The following NEGR1 variants were observed in gnomAD, a reference collection of about 807,000 sequenced individuals.
The protein encoded by NEGR1 is neuronal growth regulator 1.
Under a neutral mutation model 40.9 loss-of-function variants are expected in NEGR1, and 10 were observed. The observed-to-expected ratio is 0.24, with a 90% CI of 0.15 to 0.42. The LOEUF (loss-of-function observed/expected upper bound fraction) is 0.42. NEGR1 is among the 10% of genes least tolerant of loss of function. The probability of loss-of-function intolerance (pLI) is 1.00; values close to 1 mark genes in which losing one functional copy is unlikely to be tolerated. For missense variants in NEGR1, 352 were observed against 438.9 expected (o/e 0.80, Z 1.77); for synonymous variants, 185 against 166.8 (o/e 1.11, Z -0.84).
chr1:72,258,820 CTTTT>C (rs572990598), intron 1 of NEGR1, among the ~76,000 whole-genome samples: 3 of 151,922 alleles, frequency 2.0e-5, no homozygotes, highest in African/African-American at 7.2e-5. Flanking sequence ...TCACCAATTG[CTTTT>C]TTATTTTCAT....
intron 1 of NEGR1, among the ~76,000 whole-genome samples, chr1:71,963,139 T>A (rs1051361239): frequency 3.3e-5 from 5 of 152,080 alleles, no homozygotes; most frequent in Admixed American, 2.6e-4. Context: ...CTATACATAA[T>A]ATACTAAAAA....
intron 1 of NEGR1, among the ~76,000 whole-genome samples, chr1:71,945,034 A>C (rs1646005014): frequency 6.6e-6 from 1 of 152,184 alleles, no homozygotes. Flanking sequence ...TATATTTTTG[A>C]AAGATGTTAA....
At chr1:72,117,607 C>A (rs1451448549) in intron 1 of NEGR1, among the ~76,000 whole-genome samples, 1 of 151,740 alleles carries the variant, frequency 6.6e-6, no homozygotes, top group Non-Finnish European at 1.5e-5. Context: ...TTGGGACAAC[C>A]TGTCCACTTA....
intron 6 of NEGR1, among the ~76,000 whole-genome samples, chr1:71,411,121 G>A (rs1156472046): frequency 1.3e-5 from 2 of 152,064 alleles, no homozygotes; most frequent in African/African-American, 2.4e-5. Flanking sequence ...TTCAGTAAAC[G>A]TCAGTGCTTC....
intron 1 of NEGR1, among the ~76,000 whole-genome samples, chr1:72,057,393 C>T (rs988631693): frequency 6.6e-6 from 1 of 151,486 alleles, no homozygotes; most frequent in African/African-American, 2.4e-5. Context: ...GATTCTCATA[C>T]ATTTAAATGC....
Position 71,404,027 on chromosome 1 carries a change from G to T in NEGR1, c.*3419C>A, listed in dbSNP as rs1646261593. 2 of 329,692 alleles carry T rather than the reference G, an allele frequency of 6.1e-6. No homozygotes were observed. Among genetic ancestry groups the T allele is most frequent in the African/African-American group, 4.2e-5 (2 of 47,244 alleles). The allele number at this position is 329,692 out of a possible 1,614,324, so 20.4% of individuals were successfully genotyped here. On this transcript the variant is annotated 3_prime_UTR_variant, in exon 7 of 7. Transcript: ENST00000357731. ...GAAAAGATTAAATAGGTAACTTTTG[G>T]CTGTGTCACAAAGCTAAGCACAATG...
intron 2 of NEGR1, among the ~76,000 whole-genome samples, chr1:71,849,588 TC>T (rs1659535772): frequency 1.3e-5 from 2 of 152,168 alleles, no homozygotes; most frequent in Non-Finnish European, 2.9e-5. Context: ...TAACTCTAAT[TC>T]TAAAACAATT....
chr1:72,213,743 A>C (rs1196472866), intron 1 of NEGR1, among the ~76,000 whole-genome samples: 1 of 152,066 alleles, frequency 6.6e-6, no homozygotes, highest in Non-Finnish European at 1.5e-5. Context: ...CAACCAAAAA[A>C]AGCCCAAGAC....
chr1:71,450,235 C>T (rs1018935150), intron 6 of NEGR1, among the ~76,000 whole-genome samples: 45 of 151,858 alleles, frequency 3.0e-4, no homozygotes, highest in Admixed American at 2.4e-3. Context: ...TTGATCCACC[C>T]GCCACAGCCT....
intron 6 of NEGR1, among the ~76,000 whole-genome samples, chr1:71,524,315 AGT>A (rs60790381): frequency 0.44 from 61,157 of 140,308 alleles, 13,099 homozygotes; most frequent in Non-Finnish European, 0.48. Flanking sequence ...TTTAAATAGG[AGT>A]GTGTGTGTGT....
At chr1:71,678,237 G>A (rs1320070237) in intron 4 of NEGR1, among the ~76,000 whole-genome samples, 2 of 152,110 alleles carry the variant, frequency 1.3e-5, no homozygotes, top group African/African-American at 2.4e-5. Flanking sequence ...TCAAAAGGGG[G>A]TAAAGGCAAT....
At chr1:71,594,076 C>T (rs1016500908) in intron 5 of NEGR1, among the ~76,000 whole-genome samples, 1 of 152,136 alleles carries the variant, frequency 6.6e-6, no homozygotes, top group Admixed American at 6.5e-5. Context: ...GTACAAAGGT[C>T]AATGGTATTC....
At chr1:71,629,261 TA>T (rs57706925) in intron 4 of NEGR1, among the ~76,000 whole-genome samples, 2 of 151,040 alleles carry the variant, frequency 1.3e-5, no homozygotes, top group African/African-American at 4.9e-5. Flanking sequence ...ATGGGGTTGT[TA>T]AAAAAAAAGA....
intron 1 of NEGR1, among the ~76,000 whole-genome samples, chr1:71,992,988 A>G (rs757420408): frequency 3.9e-5 from 6 of 152,180 alleles, no homozygotes; most frequent in Non-Finnish European, 8.8e-5. Flanking sequence ...GTAAATGAGT[A>G]TATGTACTCA....
At chr1:71,691,805 A>G (rs1653291753) in intron 4 of NEGR1, among the ~76,000 whole-genome samples, 2 of 151,000 alleles carry the variant, frequency 1.3e-5, no homozygotes, top group African/African-American at 4.9e-5. Context: ...AACAAACAAC[A>G]TTCTGTCCCA....
intron 3 of NEGR1, among the ~76,000 whole-genome samples, chr1:71,734,258 G>A (rs1654978756): frequency 6.6e-6 from 1 of 152,170 alleles, no homozygotes; most frequent in African/African-American, 2.4e-5. Context: ...GAGCTGGTTG[G>A]CTGAAGCCAG....
chr1:72,203,711 C>A (rs1653294716), intron 1 of NEGR1, among the ~76,000 whole-genome samples: 1 of 152,034 alleles, frequency 6.6e-6, no homozygotes, highest in South Asian at 2.1e-4. Context: ...TGGTGAGAAT[C>A]AATTAATGTG....
At chr1:72,206,821 G>T (rs909543840) in intron 1 of NEGR1, among the ~76,000 whole-genome samples, 1 of 151,910 alleles carries the variant, frequency 6.6e-6, no homozygotes, top group South Asian at 2.1e-4. Context: ...CTAAAGATGG[G>T]TATTTGAGGA....
chr1:71,735,069 T>C (rs1655002904), intron 3 of NEGR1, among the ~76,000 whole-genome samples: 1 of 152,144 alleles, frequency 6.6e-6, no homozygotes, highest in Non-Finnish European at 1.5e-5. Context: ...CTTCACTAGA[T>C]GTGGCCTATT....
Sources: gnomAD v4.1 joint callset for allele counts (sites outside exome capture counted in the v4.1 genomes callset) on GRCh38, gnomAD v4.1.1 for gene constraint, MANE v1.5 for transcripts, NCBI Gene and HGNC (gene_info 2026-07-23, HGNC 2026-07-21) for gene names.